The following ROBO2 variants were observed in gnomAD, a reference collection of about 807,000 sequenced individuals.
The protein encoded by ROBO2 is roundabout guidance receptor 2, also known as roundabout homolog 2.
ROBO2 carries 53 observed loss-of-function variants against 160.8 expected under a neutral mutation model. That is an observed-to-expected ratio of 0.33 (90% CI 0.26 to 0.41). The LOEUF is 0.41. ROBO2 is among the 10% of genes least tolerant of loss of function. The pLI is 1.00. For synonymous variants in ROBO2, 664 were observed against 611.7 expected (o/e 1.09, Z -1.26); for missense variants, 1,577 against 1,722.4 (o/e 0.92, Z 1.49).
At chr3:77,545,468 C>T (rs898103991) in intron 6 of ROBO2, among the ~76,000 whole-genome samples, 2 of 152,050 alleles carry the variant, frequency 1.3e-5, no homozygotes, top group South Asian at 2.1e-4. Context: ...TATTGTGTTT[C>T]GTATATATAC....
At chr3:76,095,383 A>C (rs758450002) in intron 2 of ROBO2, among the ~76,000 whole-genome samples, 147 of 152,124 alleles carry the variant, frequency 9.7e-4, no homozygotes, top group Admixed American at 2.4e-3. Flanking sequence ...GAAATGTGAA[A>C]TCACTAAACC....
intron 2 of ROBO2, among the ~76,000 whole-genome samples, chr3:77,451,742 A>G (rs1347034691): frequency 6.7e-6 from 1 of 149,078 alleles, no homozygotes; most frequent in Non-Finnish European, 1.5e-5. Flanking sequence ...ATTCTTTTCA[A>G]TCATTCTGAC....
chr3:77,119,976 T>C (rs1311452216), intron 2 of ROBO2, among the ~76,000 whole-genome samples: 1 of 152,232 alleles, frequency 6.6e-6, no homozygotes, highest in African/African-American at 2.4e-5. Context: ...CTTGAAAGCA[T>C]TTGAATCAGT....
intron 2 of ROBO2, among the ~76,000 whole-genome samples, chr3:77,225,277 C>T (rs1170538911): frequency 1.3e-5 from 2 of 151,846 alleles, no homozygotes; most frequent in Admixed American, 6.6e-5. Flanking sequence ...TTACTATGCT[C>T]ATGTTGTTTC....
intron 2 of ROBO2, among the ~76,000 whole-genome samples, chr3:76,182,389 ACT>A (rs1180850170): frequency 6.6e-6 from 1 of 151,622 alleles, no homozygotes; most frequent in Non-Finnish European, 1.5e-5. Context: ...GTTGGCTTGA[ACT>A]CTTTTAGTTA....
chr3:76,499,288 A>C (rs2080331394), intron 2 of ROBO2, among the ~76,000 whole-genome samples: 1 of 152,206 alleles, frequency 6.6e-6, no homozygotes, highest in Non-Finnish European at 1.5e-5. Flanking sequence ...ACAGGAATAA[A>C]AAAACTTAAA....
At chr3:76,432,146 G>C (rs146561957) in intron 2 of ROBO2, among the ~76,000 whole-genome samples, 1,565 of 152,188 alleles carry the variant, frequency 0.01, 33 homozygotes, top group South Asian at 0.058. Flanking sequence ...AATAAAAAGT[G>C]CAAAGTTGGA....
At chr3:77,524,734 G>A (rs372118249) in intron 6 of ROBO2, among the ~76,000 whole-genome samples, 1 of 151,144 alleles carries the variant, frequency 6.6e-6, no homozygotes, top group Non-Finnish European at 1.5e-5. Flanking sequence ...CCTCATGCGG[G>A]GATGTTTGAA....
At chr3:76,664,016 T>C (rs1221884227) in intron 2 of ROBO2, among the ~76,000 whole-genome samples, 1 of 151,302 alleles carries the variant, frequency 6.6e-6, no homozygotes, top group Non-Finnish European at 1.5e-5. Flanking sequence ...AAAGGGAGAG[T>C]TGGGCCAAAT....
chr3:76,499,889 CGT>C (rs896972719), intron 2 of ROBO2, among the ~76,000 whole-genome samples: 1 of 151,732 alleles, frequency 6.6e-6, no homozygotes, highest in Non-Finnish European at 1.5e-5. Context: ...CAAGCTAGCC[CGT>C]GTGTGTGCTG....
chr3:76,876,046 A>G (rs2072679503), intron 2 of ROBO2, among the ~76,000 whole-genome samples: 1 of 152,098 alleles, frequency 6.6e-6, no homozygotes, highest in Admixed American at 6.6e-5. Context: ...ATTTAATCAT[A>G]TCTGCACAGT....
chr3:76,009,318 T>C (rs1320073668), intron 2 of ROBO2, among the ~76,000 whole-genome samples: 2 of 152,140 alleles, frequency 1.3e-5, no homozygotes, highest in African/African-American at 4.8e-5. Flanking sequence ...TCAGCCAGGA[T>C]GGTCTCGATC....
chr3:76,201,112 C>A (rs1384859737), intron 2 of ROBO2, among the ~76,000 whole-genome samples: 2 of 152,004 alleles, frequency 1.3e-5, no homozygotes, highest in Non-Finnish European at 2.9e-5. Context: ...CAAAACAAAC[C>A]CTGAGGTTTA....
At chr3:76,386,168 AACAT>A (rs1479536146) in intron 2 of ROBO2, among the ~76,000 whole-genome samples, 1 of 152,296 alleles carries the variant, frequency 6.6e-6, no homozygotes, top group East Asian at 1.9e-4. Flanking sequence ...TATTGATTTT[AACAT>A]ACATATTTCT....
At chr3:76,962,530 C>G (rs968532212) in intron 2 of ROBO2, among the ~76,000 whole-genome samples, 9 of 149,468 alleles carry the variant, frequency 6.0e-5, no homozygotes, top group Admixed American at 5.4e-4. Flanking sequence ...CCCAGCTACT[C>G]GAGAGGCTGA....
intron 20 of ROBO2, among the ~76,000 whole-genome samples, chr3:77,605,737 G>A (rs2094514995): frequency 6.6e-6 from 1 of 152,086 alleles, no homozygotes; most frequent in South Asian, 2.1e-4. Flanking sequence ...GGTGAATGTG[G>A]ACCACGTAAC....
chr3:76,782,073 T>C (rs546648872), intron 2 of ROBO2, among the ~76,000 whole-genome samples: 1 of 150,822 alleles, frequency 6.6e-6, no homozygotes, highest in African/African-American at 2.4e-5. Context: ...TTTTATATTA[T>C]CATGATTAAG....
intron 2 of ROBO2, among the ~76,000 whole-genome samples, chr3:76,734,239 A>G (rs940140865): frequency 4.6e-5 from 7 of 152,194 alleles, no homozygotes; most frequent in African/African-American, 1.7e-4. Context: ...GAAAAATATT[A>G]TCTCCTCTGT....
At chr3:76,781,647 A>T (rs1352271812) in intron 2 of ROBO2, among the ~76,000 whole-genome samples, 1 of 150,820 alleles carries the variant, frequency 6.6e-6, no homozygotes, top group Non-Finnish European at 1.5e-5. Context: ...TGGGATGATC[A>T]TATGATTTTT....
Sources: gnomAD v4.1 joint callset for allele counts (sites outside exome capture counted in the v4.1 genomes callset) on GRCh38, gnomAD v4.1.1 for gene constraint, MANE v1.5 for transcripts, NCBI Gene and HGNC (gene_info 2026-07-23, HGNC 2026-07-21) for gene names.